CFAP263: variants seen among roughly 807,000 people sequenced by gnomAD.
The protein encoded by CFAP263 is cilia- and flagella-associated protein 263.
chr16:58,253,750 C>T, the CFAP263 span, among the ~76,000 whole-genome samples: 1 of 152,154 alleles, frequency 6.6e-6, no homozygotes, highest in Non-Finnish European at 1.5e-5. Flanking sequence ...AAGACGTTTA[C>T]CCTTATTTAT....
At chr16:58,279,822 A>G in the CFAP263 span, 10 of 1,425,042 alleles carry the variant, frequency 7.0e-6, no homozygotes, top group East Asian at 2.3e-4. Flanking sequence ...GACCTATAAA[A>G]GTAATCAGCT....
chr16:58,282,789 A>AT, the CFAP263 span: 1 of 152,250 alleles, frequency 6.6e-6, no homozygotes, highest in Non-Finnish European at 1.5e-5. Context: ...CATCAGTCCG[A>AT]TTCGCAGTTT....
At chr16:58,283,138 G>C in the CFAP263 span, 1 of 152,222 alleles carries the variant, frequency 6.6e-6, no homozygotes, top group African/African-American at 2.4e-5. Flanking sequence ...TAGAATAAAG[G>C]CAGGATGGGT....
At chr16:58,273,958 C>A in the CFAP263 span, among the ~76,000 whole-genome samples, 1 of 152,164 alleles carries the variant, frequency 6.6e-6, no homozygotes, top group East Asian at 1.9e-4. Flanking sequence ...ATTGCCCTGA[C>A]GACCAGGGAT....
chr16:58,260,796 C>G, the CFAP263 span, among the ~76,000 whole-genome samples: 98,930 of 152,070 alleles, frequency 0.65, 32,450 homozygotes, highest in Non-Finnish European at 0.67. Flanking sequence ...TTGCTTGAGT[C>G]ACTCGGGATC....
the CFAP263 span, chr16:58,279,699 A>G: frequency 4.4e-6 from 7 of 1,601,510 alleles, no homozygotes; most frequent in Non-Finnish European, 6.0e-6. Context: ...AGATGTCCTT[A>G]AAAGGCCATC....
At chr16:58,267,213 TCTC>T in the CFAP263 span, among the ~76,000 whole-genome samples, 1 of 152,112 alleles carries the variant, frequency 6.6e-6, no homozygotes, top group Non-Finnish European at 1.5e-5. Flanking sequence ...TCCCCAGAGA[TCTC>T]CTTAGTGAGT....
the CFAP263 span, chr16:58,259,854 GATA>G: frequency 6.5e-7 from 1 of 1,549,078 alleles, no homozygotes; most frequent in African/African-American, 1.4e-5. Flanking sequence ...TATGTTTTAG[GATA>G]ATATGAAGGA....
the CFAP263 span, among the ~76,000 whole-genome samples, chr16:58,270,415 A>G: frequency 6.6e-6 from 1 of 152,258 alleles, no homozygotes; most frequent in African/African-American, 2.4e-5. Flanking sequence ...CAGAAGGGTT[A>G]TATCGGTACT....
chr16:58,254,301 CA>C, the CFAP263 span: 2 of 839,016 alleles, frequency 2.4e-6, no homozygotes, highest in Middle Eastern at 3.6e-4. Context: ...GGCCTATCTT[CA>C]AGGAACTTAC....
chr16:58,278,191 A>T, the CFAP263 span, among the ~76,000 whole-genome samples: 5 of 152,196 alleles, frequency 3.3e-5, no homozygotes, highest in Non-Finnish European at 7.3e-5. Flanking sequence ...TAAGAAGTCA[A>T]AATAAGTACA....
At chr16:58,250,788 T>C in the CFAP263 span, among the ~76,000 whole-genome samples, 1 of 148,944 alleles carries the variant, frequency 6.7e-6, no homozygotes, top group Admixed American at 6.7e-5. Flanking sequence ...AAAAAAATTA[T>C]ATGATAAAAC....
the CFAP263 span, among the ~76,000 whole-genome samples, chr16:58,279,033 T>C: frequency 9.2e-5 from 14 of 152,148 alleles, no homozygotes; most frequent in East Asian, 5.8e-4. Flanking sequence ...AGGACCTCAT[T>C]CCATGCATGT....
the CFAP263 span, chr16:58,254,069 A>T: frequency 2.5e-3 from 3,980 of 1,614,196 alleles, 10 homozygotes; most frequent in Non-Finnish European, 2.8e-3. Context: ...CCGACCAAAA[A>T]CTTGAGCTGG....
chr16:58,282,963 T>C, the CFAP263 span: 88,416 of 152,090 alleles, frequency 0.58, 26,753 homozygotes, highest in African/African-American at 0.74. Flanking sequence ...CCCATAATCC[T>C]GTAGGGGCTG....
the CFAP263 span, chr16:58,278,457 G>A: frequency 1.9e-6 from 3 of 1,611,386 alleles, no homozygotes; most frequent in African/African-American, 2.7e-5. Flanking sequence ...GGTTCCCTGG[G>A]TGTAACTGGT....
the CFAP263 span, chr16:58,280,366 G>A: frequency 1.1e-5 from 17 of 1,613,988 alleles, no homozygotes; most frequent in East Asian, 4.5e-5. Context: ...TTGTACAGAC[G>A]CCTCAGGAGA....
the CFAP263 span, among the ~76,000 whole-genome samples, chr16:58,256,497 A>G: frequency 2.6e-5 from 4 of 152,194 alleles, no homozygotes; most frequent in Admixed American, 1.3e-4. Flanking sequence ...GGGCACAAGC[A>G]TGACATTGAG....
At chr16:58,274,389 C>T in the CFAP263 span, among the ~76,000 whole-genome samples, 322 of 152,276 alleles carry the variant, frequency 2.1e-3, no homozygotes, top group Non-Finnish European at 3.2e-3. Flanking sequence ...ATAGAGTCCC[C>T]TTGGGCAGCA....
Sources: allele counts gnomAD v4.1 joint callset (sites outside exome capture counted in the v4.1 genomes callset), GRCh38; gene constraint gnomAD v4.1.1; transcripts MANE v1.5; gene names NCBI Gene and HGNC (gene_info 2026-07-23, HGNC 2026-07-21).